Variants in RGS21 observed in about 807,000 individuals in gnomAD.
RGS21 encodes regulator of G protein signaling 21, also known as regulator of G-protein signalling 21.
RGS21 carries 19 observed loss-of-function variants against 18.7 expected under a neutral mutation model. The ratio of observed to expected loss-of-function variants is 1.01; its 90% CI spans 0.71 to 1.49. RGS21 has a LOEUF of 1.49. RGS21 is among the 40% of genes most tolerant of loss of function. RGS21 has a pLI of 0.00. For missense variants in RGS21, 194 were observed against 176.8 expected, an observed-to-expected ratio of 1.10 and a Z score of -0.55; for synonymous variants, 56 against 57.8, an observed-to-expected ratio of 0.97 and a Z score of 0.14.
At chr1:192,359,653 GTGTATA>G (rs1459584113) in intron 4 of RGS21, among the ~76,000 whole-genome samples, 43 of 104,516 alleles carry the variant, frequency 4.1e-4, no homozygotes, top group Non-Finnish European at 7.8e-4. Flanking sequence ...ATGTGTGTGT[GTGTATA>G]TATATATATA....
In RGS21 at chr1:192,364,976, T is replaced by A. The variant is rs186702808; in HGVS notation, c.256-945T>A. Among the ~76,000 whole-genome samples, 610 of 151,746 alleles carry A rather than the reference T, an allele frequency of 4.0e-3. 5 individuals carry two copies. The highest frequency in any genetic ancestry group is 5.8e-3 in the Non-Finnish European group (397 of 67,872). ...GGTGAAACCCCGTCTCTACTACTAA[T>A]AATACAAAAATTAGCCAGGCATGGT... On this transcript the variant is annotated intron_variant, in intron 4 of 4. Coordinates refer to ENST00000417209, the MANE Select transcript of RGS21 (RefSeq NM_001039152.3).
At chr1:192,319,939 T>C (rs1408348181) in intron 1 of RGS21, among the ~76,000 whole-genome samples, 1 of 152,086 alleles carries the variant, frequency 6.6e-6, no homozygotes, top group Non-Finnish European at 1.5e-5. Context: ...GGATACTCAA[T>C]TGTGTTTTAC....
chr1:192,357,015 T>G (rs1659120993), intron 4 of RGS21, among the ~76,000 whole-genome samples: 1 of 151,782 alleles, frequency 6.6e-6, no homozygotes, highest in Non-Finnish European at 1.5e-5. Context: ...TTCCCCATAC[T>G]CTGGTAGAAA....
In RGS21 at chr1:192,352,096, A is replaced by C. The variant is rs1467756473; in HGVS notation, c.138A>C (p.Glu46Asp). The stretch of plus-strand genomic sequence containing the variant: ...TTCTAAAATCAGAGTTTAGTGAAGA[A>C]AATGTTGAGTTCTGGCTTGCCTGTG... ...RIFLKSEFSE[E>D]NVEFWLACED... The change falls in exon 4 of 5, where the codon GAA (glutamate) becomes GAC (aspartate). Residue 46 changes from glutamate (E) to aspartate (D), a missense_variant. Physicochemically the swap from Glu to Asp is conservative, Grantham distance 45 (BLOSUM62 2). Coordinates refer to ENST00000417209, the MANE Select transcript of RGS21 (RefSeq NM_001039152.3). The C allele has an allele frequency of 6.2e-7, 1 of 1,605,778 alleles. No individual in the cohort carries two copies. The highest frequency in any genetic ancestry group is 8.5e-7 in the Non-Finnish European group (1 of 1,177,132).
chr1:192,342,969 A>T lies in RGS21; in HGVS notation c.-60-8A>T. 1 of 1,524,314 alleles carries T rather than the reference A, an allele frequency of 6.6e-7. No homozygotes were observed. The highest frequency in any genetic ancestry group is 9.1e-7 in the Non-Finnish European group (1 of 1,098,576). The allele number at this position is 1,524,314 out of a possible 1,614,324, so 94.4% of individuals were successfully genotyped here. On this transcript the variant is annotated splice_polypyrimidine_tract_variant and splice_region_variant and intron_variant, in intron 1 of 4. Transcript: ENST00000417209. ...ATTGTAATGTTCCTGCTGTCACATT[A>T]CCTTCAGCTTGAAGATCAGTCAGAA...
In RGS21 at chr1:192,347,440, A is replaced by T. The variant is rs531954854; in HGVS notation, c.88+51A>T. The T allele has an allele frequency of 5.6e-5, 49 of 880,420 alleles. No homozygotes were observed. In the African/African-American group the frequency reaches 6.9e-4, roughly 12 times the overall value. 54.5% of individuals were successfully genotyped at this position (880,420 alleles called of 1,614,324 possible). On this transcript the variant is annotated intron_variant, in intron 3 of 4. Transcript: ENST00000417209. ...AAAATACAATAATTAAATATAAATTATTAAATTCTGAAAGTTGGTAACATA... is the reference window on the plus strand; with the variant it reads ...AAAATACAATAATTAAATATAAATTTTTAAATTCTGAAAGTTGGTAACATA...
chr1:192,352,009 A>G (rs1557980353), intron 3 of RGS21, 38 bp from the exon 4 acceptor site: 1 of 1,295,660 alleles, frequency 7.7e-7, no homozygotes, highest in Non-Finnish European at 1.1e-6. Flanking sequence ...ACTACTCTGT[A>G]TGCTATTATA....
chr1:192,361,335 T>C (rs1659185055), intron 4 of RGS21, among the ~76,000 whole-genome samples: 1 of 152,086 alleles, frequency 6.6e-6, no homozygotes, highest in Admixed American at 6.6e-5. Context: ...AGAATATATA[T>C]ATGCTCTGCT....
chr1:192,333,628 CAAAAAAAAAAAAAAAAAA>C (rs376989840), intron 1 of RGS21, among the ~76,000 whole-genome samples: 15 of 102,410 alleles, frequency 1.5e-4, no homozygotes, highest in South Asian at 6.8e-4. Flanking sequence ...CTCAAAATGA[CAAAAAAAAAAAAAAAAAA>C]AAAAAAAAAA....
At chr1:192,353,317 G>A (rs971054756) in intron 4 of RGS21, among the ~76,000 whole-genome samples, 2 of 151,890 alleles carry the variant, frequency 1.3e-5, no homozygotes, top group African/African-American at 4.8e-5. Context: ...GTGAACCACT[G>A]AAGCATGGCC....
At chr1:192,350,763 T>C (rs1236598519) in intron 3 of RGS21, among the ~76,000 whole-genome samples, 1 of 152,216 alleles carries the variant, frequency 6.6e-6, no homozygotes, top group Non-Finnish European at 1.5e-5. Context: ...AATGTGATAA[T>C]GATCTTTCTG....
intron 1 of RGS21, among the ~76,000 whole-genome samples, chr1:192,329,119 A>G (rs186061906): frequency 8.5e-5 from 13 of 152,272 alleles, no homozygotes; most frequent in African/African-American, 2.9e-4. Context: ...AATAAATCAC[A>G]AATTTAATAT....
intron 4 of RGS21, among the ~76,000 whole-genome samples, chr1:192,357,255 G>C (rs1659124839): frequency 1.3e-5 from 2 of 151,642 alleles, no homozygotes; most frequent in African/African-American, 4.8e-5. Flanking sequence ...GCCAAGCAAA[G>C]GACTAGCCAG....
intron 4 of RGS21, among the ~76,000 whole-genome samples, chr1:192,353,276 T>C (rs2102234930): frequency 6.6e-6 from 1 of 152,070 alleles, no homozygotes; most frequent in South Asian, 2.1e-4. Context: ...TACTGCAGCA[T>C]ATATTAGTCT....
rs972310393 is a variant in RGS21 at position 192,337,228 on chromosome 1, G to A, written c.-60-5749G>A. On this transcript the variant is annotated intron_variant, in intron 1 of 4. Transcript: ENST00000417209. ...CTTAGTACCATCTCAAATATTGTAC[G>A]TTTTTGAAATGCTAGAATTTACAAG... Among the ~76,000 whole-genome samples the A allele has an allele frequency of 1.1e-4, 16 of 151,956 alleles. No homozygotes were observed. The East Asian group carries it at 1.4e-3, about 13-fold the overall frequency.
At chr1:192,352,262 G>T in intron 4 of RGS21, 49 bp downstream of exon 4, 1 of 1,360,730 alleles carries the variant, frequency 7.3e-7, no homozygotes, top group Non-Finnish European at 9.9e-7. Flanking sequence ...TAGCAGATCT[G>T]CTCCCAATTA....
chr1:192,343,107 CT>C, intron 2 of RGS21, 60 bp downstream of exon 2: 1 of 1,466,592 alleles, frequency 6.8e-7, no homozygotes, highest in Non-Finnish European at 9.6e-7. Context: ...ACACTTGAGT[CT>C]TCTTTTAGTC....
intron 1 of RGS21, among the ~76,000 whole-genome samples, chr1:192,323,843 T>A (rs1449167233): frequency 6.6e-6 from 1 of 151,986 alleles, no homozygotes; most frequent in Non-Finnish European, 1.5e-5. Flanking sequence ...AAACTAAAGT[T>A]CCAAATCATA....
chr1:192,341,665 T>C (rs1235964338), intron 1 of RGS21, among the ~76,000 whole-genome samples: 1 of 152,026 alleles, frequency 6.6e-6, no homozygotes, highest in Non-Finnish European at 1.5e-5. Context: ...ATGCTTGCAA[T>C]TGCACTAAAC....
Sources: gnomAD v4.1 joint callset for allele counts (sites outside exome capture counted in the v4.1 genomes callset) on GRCh38, gnomAD v4.1.1 for gene constraint, MANE v1.5 for transcripts, NCBI Gene and HGNC (gene_info 2026-07-23, HGNC 2026-07-21) for gene names.